The following OSTF1 variants were observed in gnomAD, a reference collection of about 807,000 sequenced individuals.
The protein encoded by OSTF1 is osteoclast-stimulating factor 1.
OSTF1 carries 27 observed loss-of-function variants against 37.2 expected under a neutral mutation model. That is an observed-to-expected ratio of 0.73 (90% CI 0.54 to 1.00). The LOEUF (loss-of-function observed/expected upper bound fraction) is 1.00. Among genes scored for constraint, OSTF1 ranks in the 50% least tolerant of loss-of-function variants. The probability of loss-of-function intolerance (pLI) is 0.00; values close to 1 mark genes in which losing one functional copy is unlikely to be tolerated. For synonymous variants in OSTF1, 82 were observed against 89.2 expected (o/e 0.92, Z 0.46); for missense variants, 232 against 253.8 (o/e 0.91, Z 0.58).
chr9:75,138,822 A>G (rs1825882776), intron 8 of OSTF1, among the ~76,000 whole-genome samples: 1 of 152,126 alleles, frequency 6.6e-6, no homozygotes, highest in Non-Finnish European at 1.5e-5. Context: ...AAAGTATAAT[A>G]TAGTATATGA....
chr9:75,130,552 A>G (rs1278849820), intron 3 of OSTF1, 26 bp from the exon 4 acceptor site: 8 of 1,512,766 alleles, frequency 5.3e-6, no homozygotes, highest in Non-Finnish European at 6.4e-6. Flanking sequence ...ATTTCATACC[A>G]CTTAATTTAA....
intron 7 of OSTF1, among the ~76,000 whole-genome samples, chr9:75,134,694 G>A (rs1382310969): frequency 6.6e-6 from 1 of 152,110 alleles, no homozygotes; most frequent in Admixed American, 6.6e-5. Context: ...CTCCTGTTGG[G>A]TATGTGAAGG....
At chr9:75,126,469 C>T (rs765100004) in intron 2 of OSTF1, among the ~76,000 whole-genome samples, 1 of 152,116 alleles carries the variant, frequency 6.6e-6, no homozygotes, top group East Asian at 1.9e-4. Context: ...GAAATTTGCT[C>T]TCGGTAGGCA....
intron 8 of OSTF1, 49 bp from the exon 9 acceptor site, chr9:75,140,785 A>G (rs771666006): frequency 7.5e-7 from 1 of 1,327,194 alleles, no homozygotes. Context: ...ATTGGCTACT[A>G]CTATATAGTC....
chr9:75,100,702 GC>G (rs1460105154), intron 1 of OSTF1, among the ~76,000 whole-genome samples: 1 of 150,234 alleles, frequency 6.7e-6, no homozygotes, highest in Non-Finnish European at 1.5e-5. Context: ...CTGTAGTCCA[GC>G]CTGGGCAACA....
At chr9:75,090,649 C>G (rs1265143315) in intron 1 of OSTF1, among the ~76,000 whole-genome samples, 1 of 151,632 alleles carries the variant, frequency 6.6e-6, no homozygotes, top group Non-Finnish European at 1.5e-5. Context: ...AGAGTTGAAA[C>G]TTTGTGTGGG....
chr9:75,111,093 T>C (rs544703385), intron 1 of OSTF1, among the ~76,000 whole-genome samples: 31 of 152,212 alleles, frequency 2.0e-4, no homozygotes, highest in African/African-American at 7.5e-4. Context: ...GGAAATAAAA[T>C]AGATTAGAAA....
intron 1 of OSTF1, among the ~76,000 whole-genome samples, chr9:75,101,613 A>G (rs1315946955): frequency 2.6e-5 from 4 of 152,172 alleles, no homozygotes; most frequent in African/African-American, 9.7e-5. Flanking sequence ...AAAGATATTG[A>G]TAATCCTTTG....
intron 1 of OSTF1, among the ~76,000 whole-genome samples, chr9:75,107,692 G>C (rs976008190): frequency 6.6e-6 from 1 of 152,110 alleles, no homozygotes; most frequent in African/African-American, 2.4e-5. Context: ...TGATAACCCA[G>C]AACATAAAAA....
chr9:75,131,702 G>A, intron 4 of OSTF1, 68 bp from the exon 5 acceptor site: 1 of 1,158,116 alleles, frequency 8.6e-7, no homozygotes, highest in South Asian at 1.2e-5. Flanking sequence ...TGTGGTGAAT[G>A]AGTGGCTTCA....
At chr9:75,090,918 C>G (rs1460166244) in intron 1 of OSTF1, among the ~76,000 whole-genome samples, 1 of 152,176 alleles carries the variant, frequency 6.6e-6, no homozygotes, top group East Asian at 1.9e-4. Context: ...ATTTGCTGCT[C>G]TCAACAATCT....
intron 2 of OSTF1, among the ~76,000 whole-genome samples, chr9:75,125,891 A>T (rs182665961): frequency 9.9e-5 from 15 of 152,258 alleles, no homozygotes; most frequent in Middle Eastern, 3.4e-3. Flanking sequence ...TGGATGAAAT[A>T]TTTTATTTTT....
chr9:75,106,512 G>A (rs1163910355), intron 1 of OSTF1, among the ~76,000 whole-genome samples: 2 of 151,752 alleles, frequency 1.3e-5, no homozygotes, highest in African/African-American at 4.8e-5. Flanking sequence ...GGACATGGTG[G>A]TGGGGGCCTG....
At chr9:75,131,740 T>C (rs1825763257) in intron 4 of OSTF1, 30 bp from the exon 5 acceptor site, 1 of 1,589,966 alleles carries the variant, frequency 6.3e-7, no homozygotes, top group Non-Finnish European at 8.6e-7. Context: ...CAATTCCACA[T>C]TGGGTTAACA....
intron 1 of OSTF1, among the ~76,000 whole-genome samples, chr9:75,115,648 T>C (rs1421702221): frequency 1.3e-5 from 2 of 150,642 alleles, no homozygotes; most frequent in Non-Finnish European, 2.9e-5. Context: ...TTTTTTTGTT[T>C]TTTTTTTGTT....
At chr9:75,143,391 C>A (rs1411589741) in intron 9 of OSTF1, among the ~76,000 whole-genome samples, 1 of 152,098 alleles carries the variant, frequency 6.6e-6, no homozygotes, top group East Asian at 1.9e-4. Context: ...GTACATAAAT[C>A]TTAAGCATAC....
chr9:75,143,927 C>T (rs1225813935), intron 9 of OSTF1, among the ~76,000 whole-genome samples: 1 of 152,204 alleles, frequency 6.6e-6, no homozygotes, highest in African/African-American at 2.4e-5. Context: ...CTTTTGATGA[C>T]CACTCAGTCA....
intron 7 of OSTF1, among the ~76,000 whole-genome samples, chr9:75,135,486 CCTT>C (rs1284609697): frequency 1.3e-5 from 2 of 151,910 alleles, no homozygotes; most frequent in African/African-American, 4.8e-5. Flanking sequence ...TTTATCTGAC[CCTT>C]CTTTGTTCTT....
At chr9:75,110,220 G>A (rs1179891565) in intron 1 of OSTF1, among the ~76,000 whole-genome samples, 4 of 152,106 alleles carry the variant, frequency 2.6e-5, no homozygotes, top group South Asian at 2.1e-4. Context: ...TCGTTTCACT[G>A]CCCTAAACAT....
Sources: gnomAD v4.1 joint callset for allele counts (sites outside exome capture counted in the v4.1 genomes callset) on GRCh38, gnomAD v4.1.1 for gene constraint, MANE v1.5 for transcripts, NCBI Gene and HGNC (gene_info 2026-07-23, HGNC 2026-07-21) for gene names.